Variants in FAM193A observed in about 807,000 individuals in gnomAD.
The protein encoded by FAM193A is family with sequence similarity 193 member A, also known as protein FAM193A.
Under a neutral mutation model 126.5 loss-of-function variants are expected in FAM193A, and 22 were observed. That is an observed-to-expected ratio of 0.17 (90% confidence interval 0.12 to 0.25). The LOEUF (loss-of-function observed/expected upper bound fraction) is 0.25, where lower values mean the gene tolerates loss of function less well. FAM193A is among the 10% of genes least tolerant of loss of function. FAM193A has a pLI of 1.00. For synonymous variants in FAM193A, 761 were observed against 646.8 expected (o/e 1.18, Z -2.68); for missense variants, 1,675 against 1,672.8 (o/e 1.00, Z -0.02).
chr4:2,607,951 C>T (rs574295886), intron 2 of FAM193A: 2 of 1,465,312 alleles, frequency 1.4e-6, no homozygotes, highest in African/African-American at 1.5e-5. Context: ...AGATTCTTTT[C>T]TTTTTTTAAC....
intron 19 of FAM193A, among the ~76,000 whole-genome samples, chr4:2,707,799 G>C (rs1333398156): frequency 6.8e-6 from 1 of 147,612 alleles, no homozygotes; most frequent in Non-Finnish European, 1.5e-5. Context: ...TGCAACCTCT[G>C]CCTCACTGCG....
intron 1 of FAM193A, among the ~76,000 whole-genome samples, chr4:2,552,934 G>T (rs959055849): frequency 2.8e-5 from 4 of 142,278 alleles, no homozygotes; most frequent in Admixed American, 1.5e-4. Flanking sequence ...TGCAACCTCT[G>T]CCTCCCAGCC....
intron 19 of FAM193A, among the ~76,000 whole-genome samples, chr4:2,704,801 T>G (rs1474898237): frequency 1.3e-5 from 2 of 152,198 alleles, no homozygotes; most frequent in Non-Finnish European, 2.9e-5. Context: ...CTAATTACAA[T>G]GAGGTCAATA....
intron 2 of FAM193A, among the ~76,000 whole-genome samples, chr4:2,603,677 C>T (rs559268410): frequency 2.5e-4 from 38 of 150,646 alleles, no homozygotes; most frequent in African/African-American, 7.3e-4. Flanking sequence ...GCCAGGATGG[C>T]CTCGATCTCC....
intron 13 of FAM193A, among the ~76,000 whole-genome samples, chr4:2,682,571 T>C (rs1715275089): frequency 1.3e-5 from 2 of 152,246 alleles, no homozygotes; most frequent in African/African-American, 2.4e-5. Context: ...ATGTTTGTAA[T>C]TGTTTCCTAT....
At chr4:2,648,959 C>T (rs1181202399) in intron 7 of FAM193A, among the ~76,000 whole-genome samples, 2 of 152,222 alleles carry the variant, frequency 1.3e-5, no homozygotes, top group Non-Finnish European at 2.9e-5. Flanking sequence ...ACCAGAATGT[C>T]CCGGATCTGC....
chr4:2,646,660 T>C, intron 6 of FAM193A, 25 bp from the exon 7 acceptor site: 1 of 1,570,222 alleles, frequency 6.4e-7, no homozygotes, highest in South Asian at 1.2e-5. Flanking sequence ...TTCTTTCCTT[T>C]GTTACAAGGC....
chr4:2,731,975 G>A lies in FAM193A; in HGVS notation c.*107G>A, dbSNP rs1721450286. The stretch of plus-strand genomic sequence containing the variant: ...AGAGCCGTGGTGCTTGCCAAGGGCT[G>A]TGCGGAGCTGGTGCTGCCTGAAACC... On this transcript the variant is annotated 3_prime_UTR_variant, in exon 21 of 21. Coordinates refer to ENST00000637812, the MANE Select transcript of FAM193A (RefSeq NM_001366318.2). The A allele has an allele frequency of 1.2e-6, 1 of 864,970 alleles. No individual in the cohort carries two copies. Among genetic ancestry groups the A allele is most frequent in the Non-Finnish European group, 1.9e-6 (1 of 518,102 alleles). 53.6% of individuals were successfully genotyped at this position (864,970 alleles called of 1,614,324 possible).
At chr4:2,584,022 G>C (rs1346651822) in intron 1 of FAM193A, among the ~76,000 whole-genome samples, 1 of 152,098 alleles carries the variant, frequency 6.6e-6, no homozygotes, top group East Asian at 1.9e-4. Context: ...GGTCTCAAGA[G>C]ATCTTTGTCT....
chr4:2,535,913 G>A (rs924478358), upstream of FAM193A, among the ~76,000 whole-genome samples: 1 of 152,166 alleles, frequency 6.6e-6, no homozygotes, highest in South Asian at 2.1e-4. Flanking sequence ...AGATTCGCCG[G>A]CTCCGCCGCT....
intron 13 of FAM193A, among the ~76,000 whole-genome samples, chr4:2,674,619 A>T (rs920212018): frequency 2.0e-5 from 3 of 152,048 alleles, no homozygotes; most frequent in Non-Finnish European, 4.4e-5. Context: ...ACATTATGTC[A>T]TTGTAGTTGT....
At chr4:2,640,516 G>T (rs1744508261) in intron 6 of FAM193A, among the ~76,000 whole-genome samples, 1 of 152,200 alleles carries the variant, frequency 6.6e-6, no homozygotes, top group Non-Finnish European at 1.5e-5. Flanking sequence ...ACGTTACTCA[G>T]CAGAACGCTG....
At chr4:2,571,444 G>A (rs941172239) in intron 1 of FAM193A, among the ~76,000 whole-genome samples, 1 of 152,090 alleles carries the variant, frequency 6.6e-6, no homozygotes, top group Non-Finnish European at 1.5e-5. Context: ...CTAGGGTTTT[G>A]GAAGTGAATG....
At position 2,662,855 on chromosome 4, in the gene FAM193A, A is replaced by G. The variant is rs774564334; in HGVS notation, c.1763A>G (p.Asp588Gly). 6 of 1,610,502 alleles carry G rather than the reference A, an allele frequency of 3.7e-6. No homozygotes were observed. Among genetic ancestry groups the G allele is most frequent in the East Asian group, 2.2e-5 (1 of 44,744 alleles). ...TGTGTCAGTTGTAGTGATGATGAAG[A>G]TGTTGCACCATTGTCAGCCAAATTT... is the stretch of plus-strand genomic sequence containing the variant. ...SAPTFCSDDE[D>G]VAPLSAKFAD... Residue 588 changes from aspartate (D) to glycine (G), a missense_variant, in exon 11 of 21, where the codon GAT (aspartate) becomes GGT (glycine). By Grantham distance (94) the Asp-to-Gly change is moderately conservative. This residue lies in a region of FAM193A where 1,186 missense variants were observed against 1,109.2 expected (regional missense o/e 1.07). Coordinates refer to ENST00000637812, the MANE Select transcript of FAM193A (RefSeq NM_001366318.2).
At chr4:2,582,104 G>A (rs1046013406) in intron 1 of FAM193A, among the ~76,000 whole-genome samples, 2 of 152,124 alleles carry the variant, frequency 1.3e-5, no homozygotes. Flanking sequence ...GTTCTTCCAT[G>A]TGTAATGTTT....
At chr4:2,625,673 T>C in intron 3 of FAM193A, 1 of 259,050 alleles carries the variant, frequency 3.9e-6, no homozygotes. Flanking sequence ...GGGGAGAGCC[T>C]GACTGGCTGC....
At chr4:2,549,991 T>G (rs1737810450) in intron 1 of FAM193A, among the ~76,000 whole-genome samples, 1 of 148,790 alleles carries the variant, frequency 6.7e-6, no homozygotes, top group Non-Finnish European at 1.5e-5. Context: ...CTTCCCAAAG[T>G]GCGGGGATTA....
At chr4:2,562,458 T>G (rs958418529) in intron 1 of FAM193A, among the ~76,000 whole-genome samples, 8 of 152,036 alleles carry the variant, frequency 5.3e-5, no homozygotes, top group African/African-American at 1.7e-4. Flanking sequence ...TTAAGATCAT[T>G]TAAAATTTCG....
chr4:2,625,768 C>T (rs1742899418), intron 3 of FAM193A, among the ~76,000 whole-genome samples: 1 of 148,618 alleles, frequency 6.7e-6, no homozygotes, highest in Non-Finnish European at 1.5e-5. Context: ...GCTCTGTCCC[C>T]CAGGCCGGAG....
Sources: gnomAD v4.1 joint callset for allele counts (sites outside exome capture counted in the v4.1 genomes callset) on GRCh38, gnomAD v4.1.1 for gene constraint, gnomAD v4.1.1 regional missense constraint, MANE v1.5 for transcripts, NCBI Gene and HGNC (gene_info 2026-07-23, HGNC 2026-07-21) for gene names.